PHF3: variants seen among roughly 807,000 people sequenced by gnomAD.
PHF3 encodes PHD finger protein 3.
A neutral mutation model predicts 178.4 loss-of-function variants in PHF3; 41 were observed. The ratio of observed to expected loss-of-function variants is 0.23; its 90% CI spans 0.18 to 0.30. PHF3 has a LOEUF of 0.30. PHF3 is among the 10% of genes least tolerant of loss of function. The pLI is 1.00. For synonymous variants in PHF3, 842 were observed against 800.5 expected (o/e 1.05, Z -0.88); for missense variants, 2,346 against 2,398.1 (o/e 0.98, Z 0.45).
chr6:63,691,989 T>A lies in PHF3; in HGVS notation c.2442T>A (p.Asp814Glu), dbSNP rs1483115636. The A allele has an allele frequency of 1.2e-6, 2 of 1,613,408 alleles. No homozygotes were observed. The highest frequency in any genetic ancestry group is 1.7e-6 in the Non-Finnish European group (2 of 1,179,784). ...KLGLSKHTTN[D>E]RTKYIDDTVK... ...GATTATCAAAACACACAACAAATGA[T>A]AGAACCAAATATATAGATGATACAG... is the stretch of plus-strand genomic sequence containing the variant. Residue 814 changes from aspartate to glutamate, a missense_variant, in exon 5 of 16, where the codon GAT (aspartate) becomes GAA (glutamate). Physicochemically the swap from Asp to Glu is conservative, Grantham distance 45 (BLOSUM62 2). This residue lies in a region of PHF3 where 252 missense variants were observed against 232.0 expected (regional missense o/e 1.09). Coordinates refer to ENST00000262043, the MANE Select transcript of PHF3 (RefSeq NM_001370348.2).
chr6:63,671,747 T>C (rs193072011), intron 2 of PHF3, among the ~76,000 whole-genome samples: 18 of 152,276 alleles, frequency 1.2e-4, no homozygotes, highest in East Asian at 1.2e-3. Flanking sequence ...TACAGTTGTT[T>C]TGTTTTGTTT....
chr6:63,641,236 G>A (rs61369019), intron 1 of PHF3, among the ~76,000 whole-genome samples: 11,958 of 152,162 alleles, frequency 0.079, 548 homozygotes, highest in East Asian at 0.16. Flanking sequence ...TTGCTCTTTG[G>A]CATTTATGCA....
At chr6:63,648,456 G>A (rs1310350811) in intron 2 of PHF3, among the ~76,000 whole-genome samples, 1 of 152,126 alleles carries the variant, frequency 6.6e-6, no homozygotes, top group Non-Finnish European at 1.5e-5. Context: ...ATGTGGAACT[G>A]ACACATGTGT....
In PHF3 at chr6:63,684,848, G is replaced by A; in HGVS notation, c.1126G>A (p.Glu376Lys). 6.2e-7 allele frequency: 1 copy of A among 1,613,406 alleles called. No individual in the cohort carries two copies. The highest frequency in any genetic ancestry group is 8.5e-7 in the Non-Finnish European group (1 of 1,179,692). Reference sequence around the variant, plus strand: ...AGATGAAGTGACTGAATGTAATTTGGAATTGAAGGATACCATGGGTATTGC... The same window carrying A: ...AGATGAAGTGACTGAATGTAATTTGAAATTGAAGGATACCATGGGTATTGC... ...CVDEVTECNL[E>K]LKDTMGIADK... Residue 376 changes from glutamate to lysine, a missense_variant, in exon 4 of 16, where the codon GAA becomes AAA. Glu to Lys is a moderately conservative substitution (Grantham distance 56, BLOSUM62 1). Coordinates refer to ENST00000262043, the MANE Select transcript of PHF3 (RefSeq NM_001370348.2).
Position 63,713,307 on chromosome 6 carries a change from C to G in PHF3, c.5719C>G (p.Gln1907Glu). Residue 1907 changes from glutamine (Q) to glutamate (E), a missense_variant, in exon 16 of 16, where the codon CAG (glutamine) becomes GAG (glutamate). Physicochemically the swap from Gln to Glu is conservative, Grantham distance 29 (BLOSUM62 2). Coordinates refer to ENST00000262043, the MANE Select transcript of PHF3 (RefSeq NM_001370348.2). ...TGACCCTTGGGGTAGGCAAGACCAA[C>G]AGCAACTGGATAGGCCATTTAATAG... The part of the protein sequence containing the change: ...HSDPWGRQDQ[Q>E]QLDRPFNRGK... 11 of 1,614,016 alleles carry G rather than the reference C, an allele frequency of 6.8e-6. No individual in the cohort carries two copies. Among genetic ancestry groups the G allele is most frequent in the Non-Finnish European group, 9.3e-6 (11 of 1,179,962 alleles).
In PHF3 at chr6:63,700,350, A is replaced by G; in HGVS notation, c.2983A>G (p.Ile995Val). 1 of 1,435,500 alleles carries G rather than the reference A, an allele frequency of 7.0e-7. No individual in the cohort carries two copies. Among genetic ancestry groups the G allele is most frequent in the East Asian group, 2.3e-5 (1 of 43,670 alleles). 88.9% of individuals were successfully genotyped at this position (1,435,500 alleles called of 1,614,324 possible). ...TATTCCTATTTTAAAATCCTTCCAG[A>G]TATTATTTAAAAAAGTACTGAAAGG... is the stretch of plus-strand genomic sequence containing the variant. ...MFNLKDPKNNILFKKVLKGEV... is the reference protein window; with the variant it reads ...MFNLKDPKNNVLFKKVLKGEV... The change falls in exon 9 of 16, where the codon ATA becomes GTA. Residue 995 changes from isoleucine (I) to valine (V), a missense_variant and splice_region_variant. Coordinates refer to ENST00000262043, the MANE Select transcript of PHF3 (RefSeq NM_001370348.2).
At chr6:63,709,838 TAGG>T (rs1351667983) in intron 14 of PHF3, among the ~76,000 whole-genome samples, 1 of 152,162 alleles carries the variant, frequency 6.6e-6, no homozygotes, top group Non-Finnish European at 1.5e-5. Flanking sequence ...TTATTAGTAA[TAGG>T]AGGAAAGGAG....
chr6:63,672,437 C>T (rs1053603651), intron 2 of PHF3, among the ~76,000 whole-genome samples: 8 of 152,184 alleles, frequency 5.3e-5, no homozygotes, highest in Non-Finnish European at 1.0e-4. Context: ...CAGAGCTAAT[C>T]GAAATGAAAA....
At position 63,675,255 on chromosome 6, in the gene PHF3, T is replaced by C. The variant is rs567818006; in HGVS notation, c.245-4745T>C. The stretch of plus-strand genomic sequence containing the variant: ...AACAGTAGGGATTGGTTTAAATCAC[T>C]TTAATACCACACAAAAAGGAAAATT... On this transcript the variant is annotated intron_variant, in intron 2 of 15. Coordinates refer to ENST00000262043, the MANE Select transcript of PHF3 (RefSeq NM_001370348.2). Among the ~76,000 whole-genome samples the C allele has an allele frequency of 5.3e-5, 8 of 152,326 alleles. No homozygotes were observed. In the South Asian group the frequency reaches 1.7e-3, roughly 32 times the overall value.
intron 2 of PHF3, among the ~76,000 whole-genome samples, chr6:63,668,400 C>T (rs139943000): frequency 0.012 from 1,787 of 152,294 alleles, 30 homozygotes; most frequent in African/African-American, 0.041. Flanking sequence ...GTGGCGTGAT[C>T]ATGGCTCACT....
chr6:63,679,622 A>T (rs1766338800), intron 2 of PHF3: 1 of 321,606 alleles, frequency 3.1e-6, no homozygotes, highest in African/African-American at 2.2e-5. Context: ...TGAACCTAGA[A>T]TCTTTCAGGG....
chr6:63,653,033 T>G (rs1464926908), intron 2 of PHF3, among the ~76,000 whole-genome samples: 2 of 150,896 alleles, frequency 1.3e-5, no homozygotes, highest in African/African-American at 4.9e-5. Flanking sequence ...TTTTTTTTTT[T>G]GTGGTTCTGT....
chr6:63,646,753 T>G lies in PHF3; in HGVS notation c.202T>G (p.Leu68Val), dbSNP rs755147034. 3.2e-5 allele frequency: 52 copies of G among 1,604,078 alleles called. No individual in the cohort carries two copies. The highest frequency in any genetic ancestry group is 4.3e-5 in the Non-Finnish European group (50 of 1,175,634). The change falls in exon 2 of 16, where the codon TTG becomes GTG. Residue 68 changes from leucine to valine, a missense_variant. Coordinates refer to ENST00000262043, the MANE Select transcript of PHF3 (RefSeq NM_001370348.2). ...SASNQFCLPV[L>V]DSNDPNFQMP... ...AAGTAACCAGTTCTGTTTGCCTGTT[T>G]TGGATAGCAATGATCCCAATTTCCA...
rs1406857854 is a variant in PHF3, at chr6:63,685,646, C to G, written c.1924C>G (p.His642Asp). 6.2e-7 allele frequency: 1 copy of G among 1,614,066 alleles called. No homozygotes were observed. Among genetic ancestry groups the G allele is most frequent in the Admixed American group, 1.7e-5 (1 of 60,002 alleles). ...GGCCCCAGCAATGAAAACCAATAGT[C>G]ACGTGAAGGAAGAGCTTGAACACCC... is the stretch of plus-strand genomic sequence containing the variant. ...QQAPAMKTNS[H>D]VKEELEHPGV... is the part of the protein sequence containing the mutation. Residue 642 changes from histidine to aspartate, a missense_variant, in exon 4 of 16, where the codon CAC becomes GAC. This residue lies in a region of PHF3 where 843 missense variants were observed against 795.2 expected (regional missense o/e 1.06). Transcript: ENST00000262043.
At chr6:63,652,225 T>C (rs1268683840) in intron 2 of PHF3, among the ~76,000 whole-genome samples, 1 of 152,242 alleles carries the variant, frequency 6.6e-6, no homozygotes, top group Non-Finnish European at 1.5e-5. Flanking sequence ...TTTTTGATAA[T>C]AGCCATTCTA....
intron 2 of PHF3, among the ~76,000 whole-genome samples, chr6:63,659,205 C>G (rs1765364249): frequency 6.6e-6 from 1 of 152,050 alleles, no homozygotes; most frequent in South Asian, 2.1e-4. Context: ...TTAGCCATTC[C>G]ACAATGTATA....
At position 63,713,695 on chromosome 6, in the gene PHF3, A is replaced by G. The variant is rs1768077949; in HGVS notation, c.6107A>G (p.Lys2036Arg). Reference sequence around the variant, plus strand: ...GATAGGGACCACACTGACAGAACTAAAAGCAAAAGGTAAAATTTGCAGGCT... The same window carrying G: ...GATAGGGACCACACTGACAGAACTAGAAGCAAAAGGTAAAATTTGCAGGCT... ...HKDRDHTDRT[K>R]SKR The change falls in exon 16 of 16, where the codon AAA (lysine) becomes AGA (arginine). Residue 2036 changes from lysine (K) to arginine (R), a missense_variant. This residue lies in a region of PHF3 where 839 missense variants were observed against 806.9 expected (regional missense o/e 1.04). Coordinates refer to ENST00000262043, the MANE Select transcript of PHF3 (RefSeq NM_001370348.2). The G allele has an allele frequency of 1.3e-6, 2 of 1,559,860 alleles. No homozygotes were observed. Among genetic ancestry groups the G allele is most frequent in the Non-Finnish European group, 1.7e-6 (2 of 1,160,800 alleles).
At chr6:63,678,581 A>G (rs747117769) in intron 2 of PHF3, among the ~76,000 whole-genome samples, 12 of 150,854 alleles carry the variant, frequency 8.0e-5, no homozygotes, top group East Asian at 3.9e-4. Context: ...TTTTCTGCCA[A>G]TCTTTTTTTT....
In PHF3 at chr6:63,646,763, A is replaced by G. The variant is rs762243948; in HGVS notation, c.212A>G (p.Asn71Ser). ...TTCTGTTTGCCTGTTTTGGATAGCA[A>G]TGATCCCAATTTCCAGATGCCTTGT... ...NQFCLPVLDSNDPNFQMPCST... is the reference protein window; with the variant it reads ...NQFCLPVLDSSDPNFQMPCST... The change falls in exon 2 of 16, where the codon AAT becomes AGT. Residue 71 changes from asparagine (N) to serine (S), a missense_variant. Around this residue, in one of 8 missense-constraint regions of PHF3, gnomAD observed 843 missense variants for 795.2 expected, o/e 1.06. Coordinates refer to ENST00000262043, the MANE Select transcript of PHF3 (RefSeq NM_001370348.2). The G allele has an allele frequency of 1.7e-5, 26 of 1,566,438 alleles. No individual in the cohort carries two copies. The highest frequency in any genetic ancestry group is 3.4e-4 in the Middle Eastern group (2 of 5,904).
Sources: gnomAD v4.1 joint callset for allele counts (sites outside exome capture counted in the v4.1 genomes callset) on GRCh38, gnomAD v4.1.1 for gene constraint, gnomAD v4.1.1 regional missense constraint, MANE v1.5 for transcripts, NCBI Gene and HGNC (gene_info 2026-07-23, HGNC 2026-07-21) for gene names.